Variants in ADGRL3 observed in about 807,000 individuals in gnomAD.
ADGRL3 encodes the protein adhesion G protein-coupled receptor L3.
In ADGRL3, 62 loss-of-function variants were observed where a neutral mutation model predicts 153.5. The observed-to-expected ratio is 0.40, with a 90% CI of 0.33 to 0.50. ADGRL3 has a LOEUF of 0.50. Ranked by LOEUF, ADGRL3 falls within the 20% of genes least tolerant of loss-of-function variation. The pLI is 0.47. For synonymous variants in ADGRL3, 710 were observed against 672.5 expected (o/e 1.06, Z -0.86); for missense variants, 1,641 against 1,859.4 (o/e 0.88, Z 2.16).
intron 5 of ADGRL3, among the ~76,000 whole-genome samples, chr4:61,647,014 C>G (rs992304623): frequency 2.6e-5 from 4 of 152,172 alleles, no homozygotes; most frequent in African/African-American, 9.6e-5. Flanking sequence ...AAAGCGCAGT[C>G]TTCGGGTGGG....
chr4:61,580,678 G>T (rs755709990), intron 4 of ADGRL3, among the ~76,000 whole-genome samples: 13 of 152,036 alleles, frequency 8.6e-5, no homozygotes, highest in African/African-American at 1.4e-4. Flanking sequence ...CTTTCTGGTG[G>T]ATGGAAGACC....
intron 23 of ADGRL3, 81 bp from the exon 24 acceptor site, chr4:62,037,650 T>C (rs1018031334): frequency 6.2e-6 from 9 of 1,442,046 alleles, no homozygotes; most frequent in African/African-American, 1.4e-5. Flanking sequence ...TATCTAAAAA[T>C]AAAACTCACA....
chr4:61,696,873 C>G (rs186171730), intron 6 of ADGRL3, among the ~76,000 whole-genome samples: 2,579 of 151,962 alleles, frequency 0.017, 69 homozygotes, highest in African/African-American at 0.059. Context: ...GACGAGGTTT[C>G]ACCATGTTGG....
intron 19 of ADGRL3, among the ~76,000 whole-genome samples, chr4:61,993,581 A>G (rs186367491): frequency 8.8e-4 from 134 of 152,012 alleles, no homozygotes; most frequent in African/African-American, 2.9e-3. Context: ...CCTGAGCCAC[A>G]TGCCCAGCCT....
At chr4:61,853,542 A>G (rs1240288916) in intron 9 of ADGRL3, among the ~76,000 whole-genome samples, 3 of 152,128 alleles carry the variant, frequency 2.0e-5, no homozygotes, top group Non-Finnish European at 4.4e-5. Context: ...TACTTGGAAA[A>G]ATGTAAAAGC....
chr4:61,373,788 C>G (rs1560538263), intron 1 of ADGRL3, among the ~76,000 whole-genome samples: 1 of 152,024 alleles, frequency 6.6e-6, no homozygotes, highest in Non-Finnish European at 1.5e-5. Flanking sequence ...TTAACTTTTT[C>G]CTACAAAAAG....
chr4:61,332,545 T>G (rs770259413), intron 1 of ADGRL3, among the ~76,000 whole-genome samples: 1 of 152,168 alleles, frequency 6.6e-6, no homozygotes, highest in Non-Finnish European at 1.5e-5. Context: ...ATATGTCTCC[T>G]GAGTCCAGGA....
At position 61,924,621 on chromosome 4, in the gene ADGRL3, C is replaced by T. The variant is rs560509402; in HGVS notation, c.2113-10219C>T. On this transcript the variant is annotated intron_variant, in intron 13 of 26. Transcript: ENST00000683033. The stretch of plus-strand genomic sequence containing the variant: ...GCCCCACCTCCCACCTCTACTGTTT[C>T]CTTTCACTTTACTCCAAACACATGC... Among the ~76,000 whole-genome samples, 22 of 152,282 alleles carry T rather than the reference C, an allele frequency of 1.4e-4. No homozygotes were observed. The East Asian group carries it at 2.5e-3, about 17-fold the overall frequency.
intron 19 of ADGRL3, among the ~76,000 whole-genome samples, chr4:61,995,767 A>G (rs2099119569): frequency 6.6e-6 from 1 of 152,162 alleles, no homozygotes; most frequent in South Asian, 2.1e-4. Context: ...GAGCAGTAAC[A>G]ATGCACTTTT....
chr4:61,455,755 T>A (rs2097727637), intron 2 of ADGRL3, among the ~76,000 whole-genome samples: 1 of 152,122 alleles, frequency 6.6e-6, no homozygotes, highest in Admixed American at 6.6e-5. Flanking sequence ...TATTGTATTC[T>A]ATTCCTTACC....
intron 13 of ADGRL3, among the ~76,000 whole-genome samples, chr4:61,927,348 A>C (rs1437220784): frequency 6.6e-6 from 1 of 151,752 alleles, no homozygotes; most frequent in Non-Finnish European, 1.5e-5. Context: ...AGTTTGCAAA[A>C]AGACAATGCT....
chr4:61,263,885 C>A (rs1286192893), intron 1 of ADGRL3, among the ~76,000 whole-genome samples: 1 of 151,660 alleles, frequency 6.6e-6, no homozygotes, highest in Non-Finnish European at 1.5e-5. Flanking sequence ...GTTTATTTAT[C>A]CATTTAGGGT....
chr4:61,583,899 A>G (rs1459974352), intron 4 of ADGRL3, among the ~76,000 whole-genome samples: 3 of 152,002 alleles, frequency 2.0e-5, no homozygotes, highest in Non-Finnish European at 4.4e-5. Flanking sequence ...TTATTACGTT[A>G]TGAGTCACTC....
intron 13 of ADGRL3, chr4:61,933,907 A>G (rs948351176): frequency 2.6e-5 from 4 of 152,124 alleles, no homozygotes; most frequent in Non-Finnish European, 4.4e-5. Context: ...TCTGGATTAG[A>G]TGCATATTTC....
intron 1 of ADGRL3, among the ~76,000 whole-genome samples, chr4:61,349,523 C>T (rs1578379836): frequency 6.6e-6 from 1 of 152,050 alleles, no homozygotes; most frequent in Non-Finnish European, 1.5e-5. Context: ...GTATAAAGCT[C>T]ACCATAGTTT....
chr4:61,295,705 G>A (rs10001902), intron 1 of ADGRL3, among the ~76,000 whole-genome samples: 2,561 of 151,576 alleles, frequency 0.017, 66 homozygotes, highest in African/African-American at 0.058. Context: ...CTGTAATCCC[G>A]TCCAGCATTT....
chr4:61,320,998 G>C (rs1560470263), intron 1 of ADGRL3, among the ~76,000 whole-genome samples: 1 of 152,030 alleles, frequency 6.6e-6, no homozygotes, highest in Non-Finnish European at 1.5e-5. Flanking sequence ...TCAAAGCCAG[G>C]TCTGTCTCAT....
chr4:61,605,026 G>T (rs2099026600), intron 5 of ADGRL3, among the ~76,000 whole-genome samples: 1 of 138,526 alleles, frequency 7.2e-6, no homozygotes, highest in African/African-American at 2.7e-5. Context: ...GGAGGCAGAG[G>T]TTGCAGTGAG....
At chr4:62,022,483 A>G (rs1200253365) in intron 21 of ADGRL3, among the ~76,000 whole-genome samples, 1 of 152,210 alleles carries the variant, frequency 6.6e-6, no homozygotes, top group Non-Finnish European at 1.5e-5. Context: ...TTTTCCATGT[A>G]GACAAAACAG....
Sources: allele counts gnomAD v4.1 joint callset (sites outside exome capture counted in the v4.1 genomes callset), GRCh38; gene constraint gnomAD v4.1.1; transcripts MANE v1.5; gene names NCBI Gene and HGNC (gene_info 2026-07-23, HGNC 2026-07-21).